RBFOX1: variants seen among roughly 807,000 people sequenced by gnomAD.
The protein encoded by RBFOX1 is RNA binding protein fox-1 homolog 1.
RBFOX1 carries 8 observed loss-of-function variants against 57.7 expected under a neutral mutation model. That is an observed-to-expected ratio of 0.14 (90% CI 0.08 to 0.25). RBFOX1 has a LOEUF of 0.25. RBFOX1 is among the 10% of genes least tolerant of loss of function. The pLI is 1.00. For synonymous variants in RBFOX1, 326 were observed against 222.4 expected (o/e 1.47, Z -4.15); for missense variants, 611 against 548.5 (o/e 1.11, Z -1.14).
intron 4 of RBFOX1, among the ~76,000 whole-genome samples, chr16:7,144,555 G>T (rs1298075086): frequency 1.3e-5 from 2 of 150,806 alleles, no homozygotes; most frequent in African/African-American, 4.9e-5. Flanking sequence ...CGCAAAAAGA[G>T]CTGGAATTAC....
intron 1 of RBFOX1, among the ~76,000 whole-genome samples, chr16:6,300,312 AAG>A (rs1050499143): frequency 1.2e-4 from 19 of 152,278 alleles, no homozygotes; most frequent in African/African-American, 4.6e-4. Flanking sequence ...ATATCACTAA[AAG>A]AGTACGTTTT....
At chr16:6,830,109 G>A (rs1021074007) in intron 3 of RBFOX1, among the ~76,000 whole-genome samples, 1 of 150,244 alleles carries the variant, frequency 6.7e-6, no homozygotes, top group Non-Finnish European at 1.5e-5. Flanking sequence ...TGGAGACAAG[G>A]TTTTACCATG....
intron 1 of RBFOX1, among the ~76,000 whole-genome samples, chr16:5,313,636 C>T (rs1053860160): frequency 1.3e-5 from 2 of 152,084 alleles, no homozygotes; most frequent in African/African-American, 4.8e-5. Context: ...AGGAGCAAGG[C>T]TATGTCTTAC....
At chr16:7,079,196 T>C (rs1249511872) in intron 4 of RBFOX1, among the ~76,000 whole-genome samples, 3 of 152,108 alleles carry the variant, frequency 2.0e-5, no homozygotes, top group Admixed American at 6.5e-5. Flanking sequence ...CTCTGCACCA[T>C]CCAGGCGCGG....
At chr16:7,011,479 G>C (rs539645745) in intron 3 of RBFOX1, among the ~76,000 whole-genome samples, 60 of 152,100 alleles carry the variant, frequency 3.9e-4, no homozygotes, top group Non-Finnish European at 6.9e-4. Context: ...TTTGTTGTGT[G>C]TGTTTGTTTG....
chr16:7,587,483 T>C (rs918005661), intron 7 of RBFOX1, among the ~76,000 whole-genome samples, 183 bp downstream of exon 7: 3 of 152,190 alleles, frequency 2.0e-5, no homozygotes, highest in African/African-American at 7.2e-5. Flanking sequence ...GTTTAAAATG[T>C]ATAAGGGGAT....
At position 7,132,433 on chromosome 16, in the gene RBFOX1, GACACACACACACACACACACACAC is replaced by G. The variant is rs36226659; in HGVS notation, c.27+80361_27+80384del. Reference sequence around the variant, plus strand: ...AAGGTTGAAGAAATTGTGATACACAGACACACACACACACACACACACACACACACACACACACACACACACACA... The same window carrying G: ...AAGGTTGAAGAAATTGTGATACACAGACACACACACACACACACACACACA... On this transcript the variant is annotated intron_variant, in intron 4 of 15. Coordinates refer to ENST00000550418, the MANE Select transcript of RBFOX1 (RefSeq NM_018723.4). Among the ~76,000 whole-genome samples, 1,327 of 144,908 alleles carry G rather than the reference GACACACACACACACACACACACAC, an allele frequency of 9.2e-3. 13 individuals are homozygous for G. Among genetic ancestry groups the G allele is most frequent in the Non-Finnish European group, 0.013 (856 of 66,184 alleles).
rs370530539 is a variant in RBFOX1 at position 6,588,213 on chromosome 16, G to C, written c.-63-66390G>C. Among the ~76,000 whole-genome samples, 7 of 151,100 alleles carry C rather than the reference G, an allele frequency of 4.6e-5. No individual in the cohort carries two copies. In the East Asian group the frequency reaches 1.4e-3, roughly 30 times the overall value. On this transcript the variant is annotated intron_variant, in intron 2 of 15. Transcript: ENST00000550418. Reference sequence around the variant, plus strand: ...GCCACTGTACTCCAGCCTGGGCACAGAGCAAGACTGTGTCTCGGGAAAAAA... The same window carrying C: ...GCCACTGTACTCCAGCCTGGGCACACAGCAAGACTGTGTCTCGGGAAAAAA...
At chr16:6,586,616 T>C (rs779468432) in intron 2 of RBFOX1, among the ~76,000 whole-genome samples, 1 of 152,170 alleles carries the variant, frequency 6.6e-6, no homozygotes, top group Non-Finnish European at 1.5e-5. Context: ...TCTTCCCACA[T>C]TACACACTCT....
intron 4 of RBFOX1, among the ~76,000 whole-genome samples, chr16:7,317,516 C>T (rs538912163): frequency 1.1e-4 from 16 of 152,176 alleles, no homozygotes; most frequent in Non-Finnish European, 1.6e-4. Flanking sequence ...CACGAAGCAA[C>T]TGGTCTCATG....
chr16:5,626,669 C>T (rs546249089), intron 3 of RBFOX1, among the ~76,000 whole-genome samples: 12 of 152,238 alleles, frequency 7.9e-5, no homozygotes. Flanking sequence ...CTCCGATATT[C>T]ATCAGTTCTA....
chr16:5,646,413 A>G (rs1325351990), intron 3 of RBFOX1, among the ~76,000 whole-genome samples: 1 of 152,152 alleles, frequency 6.6e-6, no homozygotes, highest in Non-Finnish European at 1.5e-5. Flanking sequence ...TGCTGGGATT[A>G]GAGCCATGAG....
At chr16:7,537,026 G>C (rs2081629558) in intron 5 of RBFOX1, among the ~76,000 whole-genome samples, 3 of 152,316 alleles carry the variant, frequency 2.0e-5, no homozygotes, top group Non-Finnish European at 4.4e-5. Context: ...GAGCCCTGCT[G>C]GCCTCATCTG....
intron 3 of RBFOX1, among the ~76,000 whole-genome samples, chr16:6,877,429 A>G (rs575355682): frequency 6.6e-6 from 1 of 152,222 alleles, no homozygotes; most frequent in Admixed American, 6.5e-5. Context: ...AATCACAGAG[A>G]CAAGCAAAAC....
intron 3 of RBFOX1, among the ~76,000 whole-genome samples, chr16:6,739,903 C>G (rs182948422): frequency 2.6e-5 from 4 of 152,118 alleles, no homozygotes; most frequent in African/African-American, 9.6e-5. Flanking sequence ...GGTCCACATT[C>G]CACTTTATTT....
chr16:6,563,813 G>A (rs1383602028), intron 2 of RBFOX1, among the ~76,000 whole-genome samples: 1 of 151,676 alleles, frequency 6.6e-6, no homozygotes, highest in East Asian at 1.9e-4. Flanking sequence ...GAGACACAGT[G>A]GGATCCTGTC....
intron 4 of RBFOX1, among the ~76,000 whole-genome samples, chr16:7,447,460 C>A (rs2098818031): frequency 7.0e-6 from 1 of 143,574 alleles, no homozygotes; most frequent in Non-Finnish European, 1.5e-5. Flanking sequence ...AGAGAGATTC[C>A]AATGAGATTC....
intron 3 of RBFOX1, among the ~76,000 whole-genome samples, chr16:6,907,095 A>G (rs916794459): frequency 1.3e-5 from 2 of 152,216 alleles, no homozygotes; most frequent in African/African-American, 4.8e-5. Context: ...AGGATTCTCA[A>G]CCAGAGTGAT....
At chr16:6,155,127 A>T (rs2096829444) in intron 1 of RBFOX1, among the ~76,000 whole-genome samples, 1 of 152,208 alleles carries the variant, frequency 6.6e-6, no homozygotes, top group South Asian at 2.1e-4. Flanking sequence ...TTTTCTAGGT[A>T]GAATAAAATC....
Sources: gnomAD v4.1 joint callset for allele counts (sites outside exome capture counted in the v4.1 genomes callset) on GRCh38, gnomAD v4.1.1 for gene constraint, MANE v1.5 for transcripts, NCBI Gene and HGNC (gene_info 2026-07-23, HGNC 2026-07-21) for gene names.